SYT9: variants seen among roughly 807,000 people sequenced by gnomAD.
The protein encoded by SYT9 is synaptotagmin-9.
A neutral mutation model predicts 48.4 loss-of-function variants in SYT9; 22 were observed. The ratio of observed to expected loss-of-function variants is 0.45; its 90% confidence interval spans 0.32 to 0.65. SYT9 has a LOEUF of 0.65. Ranked by LOEUF, SYT9 falls within the 30% of genes least tolerant of loss-of-function variation. The pLI is 0.03. For synonymous variants in SYT9, 265 were observed against 245.0 expected (o/e 1.08, Z -0.76); for missense variants, 577 against 622.0 (o/e 0.93, Z 0.77).
intron 1 of SYT9, 63 bp from the exon 2 acceptor site, chr11:7,302,976 C>G: frequency 6.8e-7 from 1 of 1,461,374 alleles, no homozygotes; most frequent in Admixed American, 1.7e-5. Flanking sequence ...TCTGCCCACG[C>G]TGTGCAATGG....
At chr11:7,369,229 A>G (rs1850307107) in intron 3 of SYT9, among the ~76,000 whole-genome samples, 3 of 118,816 alleles carry the variant, frequency 2.5e-5, no homozygotes, top group Middle Eastern at 4.6e-3. Flanking sequence ...TTCTCTAATG[A>G]TGATGAGCTT....
chr11:7,426,790 C>G (rs1015352973), intron 6 of SYT9, among the ~76,000 whole-genome samples: 9 of 152,128 alleles, frequency 5.9e-5, no homozygotes, highest in African/African-American at 2.2e-4. Flanking sequence ...CATGATTTCC[C>G]TCTACCTATG....
At chr11:7,262,964 G>A (rs1194444666) in intron 1 of SYT9, among the ~76,000 whole-genome samples, 1 of 152,080 alleles carries the variant, frequency 6.6e-6, no homozygotes, top group Non-Finnish European at 1.5e-5. Flanking sequence ...ACAGCACCAA[G>A]GTGAAGGGAA....
chr11:7,261,240 C>A (rs1848072944), intron 1 of SYT9, among the ~76,000 whole-genome samples: 4 of 152,150 alleles, frequency 2.6e-5, no homozygotes, highest in Admixed American at 2.6e-4. Context: ...TTGAAGACAT[C>A]TTAGTTTGTA....
At chr11:7,251,479 C>G (rs1361768834), upstream of SYT9, among the ~76,000 whole-genome samples, 1 of 152,152 alleles carries the variant, frequency 6.6e-6, no homozygotes, top group Non-Finnish European at 1.5e-5. Context: ...GGACCCAAAC[C>G]CTGCATTTGG....
intron 6 of SYT9, among the ~76,000 whole-genome samples, chr11:7,432,595 A>T: frequency 1.8e-4 from 1 of 5,534 alleles, no homozygotes; most frequent in Non-Finnish European, 3.7e-4. Context: ...ATATATACAT[A>T]TATATATATA....
intron 6 of SYT9, among the ~76,000 whole-genome samples, chr11:7,443,002 TAATG>T (rs1030281771): frequency 7.4e-4 from 113 of 151,800 alleles, no homozygotes; most frequent in African/African-American, 2.7e-3. Flanking sequence ...GAGAGAGAGA[TAATG>T]AATGAATGAG....
At chr11:7,458,250 A>G (rs1235871637) in intron 6 of SYT9, among the ~76,000 whole-genome samples, 1 of 152,108 alleles carries the variant, frequency 6.6e-6, no homozygotes, top group Admixed American at 6.6e-5. Flanking sequence ...GGAGGCTGTG[A>G]TGGGCGGATC....
intron 3 of SYT9, among the ~76,000 whole-genome samples, chr11:7,316,841 G>C (rs1849252055): frequency 6.6e-6 from 1 of 152,224 alleles, no homozygotes; most frequent in African/African-American, 2.4e-5. Flanking sequence ...TATGCAAAAT[G>C]ATATATTATT....
chr11:7,335,194 T>A (rs1849612794), intron 3 of SYT9, among the ~76,000 whole-genome samples: 1 of 152,204 alleles, frequency 6.6e-6, no homozygotes, highest in Non-Finnish European at 1.5e-5. Flanking sequence ...TAGAATCTCA[T>A]TGTGATTTTT....
At chr11:7,455,403 G>A (rs936679274) in intron 6 of SYT9, among the ~76,000 whole-genome samples, 5 of 148,900 alleles carry the variant, frequency 3.4e-5, no homozygotes, top group East Asian at 2.0e-4. Flanking sequence ...GCGCCATCTC[G>A]GCTCACTGCA....
At chr11:7,279,590 A>G (rs1450781395) in intron 1 of SYT9, among the ~76,000 whole-genome samples, 1 of 152,138 alleles carries the variant, frequency 6.6e-6, no homozygotes, top group Admixed American at 6.6e-5. Flanking sequence ...ACTTTGGGGT[A>G]TTTATTTAAA....
rs560814891 is a variant in SYT9, at chr11:7,460,323, C to A, written c.1468-6469C>A. ...CACCAATTTTACGTTTAATCAAATT[C>A]TCTTAAATATTTTTAAATGAGAAAA... On this transcript the variant is annotated intron_variant, in intron 6 of 6. Transcript: ENST00000318881. 2.6e-5 allele frequency among the ~76,000 whole-genome samples: 4 copies of A among 152,244 alleles called. No homozygotes were observed. The East Asian group carries it at 7.7e-4, about 29-fold the overall frequency.
chr11:7,381,516 A>G (rs1302140020), intron 3 of SYT9, among the ~76,000 whole-genome samples: 1 of 152,180 alleles, frequency 6.6e-6, no homozygotes, highest in Non-Finnish European at 1.5e-5. Context: ...GTGGGCCCCT[A>G]TGGAGCAGAA....
At chr11:7,345,877 G>C (rs868258521) in intron 3 of SYT9, among the ~76,000 whole-genome samples, 1 of 152,214 alleles carries the variant, frequency 6.6e-6, no homozygotes, top group Non-Finnish European at 1.5e-5. Flanking sequence ...TTAGACTTCA[G>C]ATGGAAAAGA....
chr11:7,307,954 C>G (rs1432689205), intron 2 of SYT9, among the ~76,000 whole-genome samples: 1 of 152,216 alleles, frequency 6.6e-6, no homozygotes, highest in East Asian at 1.9e-4. Flanking sequence ...GGCCCCAAGG[C>G]CTGATGCCTG....
rs144735588 is a variant in SYT9, at chr11:7,420,613, C to T, written c.1445C>T (p.Ala482Val). Residue 482 changes from alanine to valine, a missense_variant, in exon 6 of 7, where the codon GCA becomes GTA. Transcript: ENST00000318881. ...TTGTCATATCCTCGGAAGCCCATTGCACACTGGCATTCCCTGGTGGAGGTA... is the reference window on the plus strand; with the variant it reads ...TTGTCATATCCTCGGAAGCCCATTGTACACTGGCATTCCCTGGTGGAGGTA... The part of the protein sequence containing the change: ...EMLSYPRKPI[A>V]HWHSLVEKR 1,588 of 1,614,148 alleles carry T rather than the reference C, an allele frequency of 9.8e-4. 10 individuals are homozygous for T. The African/African-American group carries it at 0.019, about 20-fold the overall frequency.
At chr11:7,240,102 A>G (rs762452207) in intron 1 of SYT9, among the ~76,000 whole-genome samples, 1 of 152,130 alleles carries the variant, frequency 6.6e-6, no homozygotes, top group Non-Finnish European at 1.5e-5. Context: ...GAGGTCAGGT[A>G]GAAGAGGGGA....
chr11:7,244,419 C>T (rs1029943121), intron 1 of SYT9, among the ~76,000 whole-genome samples: 11 of 152,074 alleles, frequency 7.2e-5, no homozygotes, highest in South Asian at 2.1e-4. Flanking sequence ...AAAATTCACT[C>T]GAAACAGGAA....
Sources: allele counts gnomAD v4.1 joint callset (sites outside exome capture counted in the v4.1 genomes callset), GRCh38; gene constraint gnomAD v4.1.1; transcripts MANE v1.5; gene names NCBI Gene and HGNC (gene_info 2026-07-23, HGNC 2026-07-21).